The following TEP1 variants were observed in gnomAD, a reference collection of about 807,000 sequenced individuals.
The protein encoded by TEP1 is telomerase protein component 1.
TEP1 carries 241 observed loss-of-function variants against 306.3 expected under a neutral mutation model. That is an observed-to-expected ratio of 0.79 (90% CI 0.71 to 0.88). The LOEUF (loss-of-function observed/expected upper bound fraction) is 0.88, where lower values mean the gene tolerates loss of function less well. TEP1 is among the 40% of genes least tolerant of loss of function. The pLI, the probability that TEP1 is intolerant of heterozygous loss-of-function variation, is 0.00. For synonymous variants in TEP1, 1,289 were observed against 1,305.5 expected (o/e 0.99, Z 0.27); for missense variants, 3,051 against 3,276.1 (o/e 0.93, Z 1.68).
chr14:20,395,404 GTAGCCCCGATTGCCCACCCTTGGCTCC>G lies in TEP1; in HGVS notation c.1928+19_1928+45del. The stretch of plus-strand genomic sequence containing the variant: ...CAGATGACTTCCAACCTGTGCCAGG[GTAGCCCCGATTGCCCACCCTTGGCTCC>G]CAGACAGTGCATACATACCTGGCCT... On this transcript the variant is annotated intron_variant, in intron 12 of 54. Coordinates refer to ENST00000262715, the MANE Select transcript of TEP1 (RefSeq NM_007110.5). 1 of 1,520,106 alleles carries G rather than the reference GTAGCCCCGATTGCCCACCCTTGGCTCC, an allele frequency of 6.6e-7. No homozygotes were observed. The highest frequency in any genetic ancestry group is 8.9e-7 in the Non-Finnish European group (1 of 1,122,188). 94.2% of individuals were successfully genotyped at this position (1,520,106 alleles called of 1,614,324 possible).
intron 41 of TEP1, 62 bp downstream of exon 41, chr14:20,377,215 TAAA>T (rs371616341): frequency 2.2e-4 from 254 of 1,131,828 alleles, no homozygotes; most frequent in South Asian, 2.6e-4. Context: ...AGCTCTGTCT[TAAA>T]AAAAAAAAAA....
chr14:20,386,594 G>A lies in TEP1; in HGVS notation c.2714C>T (p.Ser905Phe), dbSNP rs371241934. ...CTCCCCATGCATGTCTCGGAAAGTG[G>A]ATGAAATGAAAAGCCGGATGCTGCG... ...GWRSIRLFISSTFRDMHGERD... is the reference protein window; with the variant it reads ...GWRSIRLFISFTFRDMHGERD... The change falls in exon 19 of 55, where the codon TCC (serine) becomes TTC (phenylalanine). Residue 905 changes from serine (S) to phenylalanine (F), a missense_variant. Physicochemically the swap from Ser to Phe is radical, Grantham distance 155. Around this residue, in one of 3 missense-constraint regions of TEP1, gnomAD observed 1,507 missense variants for 1,550.5 expected, o/e 0.97. Transcript: ENST00000262715. 2 of 1,606,822 alleles carry A rather than the reference G, an allele frequency of 1.2e-6. No homozygotes were observed. The highest frequency in any genetic ancestry group is 1.3e-5 in the African/African-American group (1 of 74,884).
At chr14:20,388,167 C>T in intron 17 of TEP1, 104 bp from the exon 18 acceptor site, 1 of 1,282,512 alleles carries the variant, frequency 7.8e-7, no homozygotes, top group Non-Finnish European at 1.1e-6. Flanking sequence ...GGTTTGGTGA[C>T]CAGTTAAGTC....
chr14:20,386,487 G>C lies in TEP1; in HGVS notation c.2821C>G (p.Leu941Val), dbSNP rs771998185. The C allele has an allele frequency of 1.2e-6, 2 of 1,611,902 alleles. No individual in the cohort carries two copies. The highest frequency in any genetic ancestry group is 3.3e-5 in the Admixed American group (2 of 59,936). Reference protein sequence around the residue: ...PHRISLHGIDLRWGVTEEETR... With the variant: ...PHRISLHGIDVRWGVTEEETR... ...TCCTCCTCAGTGACGCCCCAGCGGA[G>C]GTCGATTCCGTGAAGGCTGATACGG... The change falls in exon 19 of 55, where the codon CTC becomes GTC. Residue 941 changes from leucine to valine, a missense_variant. Physicochemically the swap from Leu to Val is conservative, Grantham distance 32 (BLOSUM62 1). Coordinates refer to ENST00000262715, the MANE Select transcript of TEP1 (RefSeq NM_007110.5).
In TEP1 at chr14:20,389,635, T is replaced by C. The variant is rs1215978138; in HGVS notation, c.2440A>G (p.Ile814Val). ...AGGTATTGTACCCTTCTTAGGAGGA[T>C]ACCAACAAAGAGGCACTTGGAATTC... ...RVNSKCLFVG[I>V]LLRRVQYLST... is the part of the protein sequence containing the mutation. The change falls in exon 16 of 55, where the codon ATC becomes GTC. Residue 814 changes from isoleucine (I) to valine (V), a missense_variant. This residue lies in a region of TEP1 where 1,507 missense variants were observed against 1,550.5 expected (regional missense o/e 0.97). Coordinates refer to ENST00000262715, the MANE Select transcript of TEP1 (RefSeq NM_007110.5). The C allele has an allele frequency of 1.9e-6, 3 of 1,614,222 alleles. No individual in the cohort carries two copies. The highest frequency in any genetic ancestry group is 1.7e-5 in the Admixed American group (1 of 60,024).
chr14:20,378,589 C>T, intron 37 of TEP1, 54 bp from the exon 38 acceptor site: 1 of 1,610,762 alleles, frequency 6.2e-7, no homozygotes, highest in Non-Finnish European at 8.5e-7. Flanking sequence ...CTGAACTTCT[C>T]AGTCCCAGAC....
At chr14:20,407,825 C>T in intron 2 of TEP1, 48 bp downstream of exon 2, 6 of 1,453,464 alleles carry the variant, frequency 4.1e-6, no homozygotes, top group Non-Finnish European at 5.6e-6. Context: ...GAGACAAGAG[C>T]ATACAACAGA....
chr14:20,377,523 A>C, intron 40 of TEP1, 31 bp from the exon 41 acceptor site: 1 of 1,612,378 alleles, frequency 6.2e-7, no homozygotes, highest in Non-Finnish European at 8.5e-7. Context: ...AGGGAGTAAG[A>C]CACTTGGGAA....
chr14:20,379,039 G>C lies in TEP1; in HGVS notation c.5194C>G (p.Leu1732Val). 6.2e-7 allele frequency: 1 copy of C among 1,614,244 alleles called. No individual in the cohort carries two copies. The highest frequency in any genetic ancestry group is 8.5e-7 in the Non-Finnish European group (1 of 1,180,048). Residue 1732 changes from leucine to valine, a missense_variant, in exon 36 of 55, where the codon CTC becomes GTC. Around this residue, in one of 3 missense-constraint regions of TEP1, gnomAD observed 1,540 missense variants for 1,705.9 expected, o/e 0.90. Transcript: ENST00000262715. The stretch of plus-strand genomic sequence containing the variant: ...AGCCCGTCGAAGGCAGTAAGAAAGA[G>C]TGTATCATCGGAGAGGAACAAACAA... ...SACLFLSDDT[L>V]FLTAFDGLLE...
chr14:20,393,195 C>T lies in TEP1; in HGVS notation c.1929-1428G>A, dbSNP rs138617409. ...TTGTGCCACTGCACTCCAGCCTGGG[C>T]GACAGAGCAAGACTCGGTCTCAAAA... On this transcript the variant is annotated intron_variant, in intron 12 of 54. Coordinates refer to ENST00000262715, the MANE Select transcript of TEP1 (RefSeq NM_007110.5). 6.8e-5 allele frequency among the ~76,000 whole-genome samples: 10 copies of T among 147,644 alleles called. 1 individual carries two copies. In the East Asian group the frequency reaches 7.9e-4, roughly 12 times the overall value.
chr14:20,408,737 C>G (rs771672252), intron 1 of TEP1, among the ~76,000 whole-genome samples: 1 of 151,682 alleles, frequency 6.6e-6, no homozygotes, highest in African/African-American at 2.4e-5. Flanking sequence ...GGAGCTGAGG[C>G]AAGAGGATTC....
chr14:20,373,160 G>A lies in TEP1; in HGVS notation c.6815-13C>T. ...ATACATGTGTCATCTGGAGGAGAAAGGACGTGTTTCATTAGGAGCTGGGAT... is the reference window on the plus strand; with the variant it reads ...ATACATGTGTCATCTGGAGGAGAAAAGACGTGTTTCATTAGGAGCTGGGAT... On this transcript the variant is annotated splice_polypyrimidine_tract_variant and intron_variant, in intron 47 of 54. Transcript: ENST00000262715. 1.2e-6 allele frequency: 2 copies of A among 1,614,158 alleles called. No homozygotes were observed. Among genetic ancestry groups the A allele is most frequent in the East Asian group, 2.2e-5 (1 of 44,878 alleles).
intron 1 of TEP1, among the ~76,000 whole-genome samples, chr14:20,409,386 AC>A (rs1368335525): frequency 6.6e-6 from 1 of 152,148 alleles, no homozygotes; most frequent in Non-Finnish European, 1.5e-5. Flanking sequence ...GAGTGGTCTC[AC>A]CCACTATGTG....
chr14:20,372,990 AC>A lies in TEP1; in HGVS notation c.6951+20del. ...AGGGTAGAATTCACACAGACAAAGA[AC>A]CAAGGGTACACCGACTCACCTGTGC... is the stretch of plus-strand genomic sequence containing the variant. On this transcript the variant is annotated intron_variant, in intron 48 of 54. Coordinates refer to ENST00000262715, the MANE Select transcript of TEP1 (RefSeq NM_007110.5). The A allele has an allele frequency of 6.2e-7, 1 of 1,614,116 alleles. No homozygotes were observed.
chr14:20,399,730 G>C (rs1878512090), intron 9 of TEP1, among the ~76,000 whole-genome samples: 1 of 149,262 alleles, frequency 6.7e-6, no homozygotes, highest in African/African-American at 2.5e-5. Context: ...AGAAACACTA[G>C]CCACCACGGG....
chr14:20,376,202 A>C lies in TEP1; in HGVS notation c.6151T>G (p.Phe2051Val), dbSNP rs1885167218. Residue 2051 changes from phenylalanine (F) to valine (V), a missense_variant, in exon 42 of 55, where the codon TTT (phenylalanine) becomes GTT (valine). By Grantham distance (50) the Phe-to-Val change is conservative. Coordinates refer to ENST00000262715, the MANE Select transcript of TEP1 (RefSeq NM_007110.5). ...LLTRPHKAED[F>V]PCGTELRGHE... The stretch of plus-strand genomic sequence containing the variant: ...CCCCGCAGCTCAGTGCCACAGGGAA[A>C]GTCTTCTGCCTTGTGTGGCCGCGTC... The C allele has an allele frequency of 6.2e-7, 1 of 1,614,072 alleles. No individual in the cohort carries two copies. Among genetic ancestry groups the C allele is most frequent in the African/African-American group, 1.3e-5 (1 of 74,926 alleles).
At chr14:20,403,574 A>G in intron 6 of TEP1, 126 bp from the exon 7 acceptor site, 1 of 1,587,546 alleles carries the variant, frequency 6.3e-7, no homozygotes, top group Non-Finnish European at 8.6e-7. Context: ...ACTGCCCTGC[A>G]CCATATGCCC....
chr14:20,411,395 C>T (rs546347468), intron 1 of TEP1, among the ~76,000 whole-genome samples: 11 of 152,324 alleles, frequency 7.2e-5, no homozygotes, highest in South Asian at 4.1e-4. Context: ...CCCTCCTTTA[C>T]AAGGCCAAAT....
Position 20,373,295 on chromosome 14 carries a change from C to G in TEP1, c.6789G>C (p.Arg2263=). ...MLTASEDGSV[R]LWQVPKEADD... ...CTGCTTCCTTAGGAACCTGCCAGAG[C>G]CGTACAGAACCATCCTCAGAGGCGG... The change falls in exon 47 of 55, where the codon CGG becomes CGC. Residue 2263 remains arginine, a synonymous_variant. Transcript: ENST00000262715. 6.2e-7 allele frequency: 1 copy of G among 1,614,200 alleles called. No individual in the cohort carries two copies. The highest frequency in any genetic ancestry group is 1.1e-5 in the South Asian group (1 of 91,076).
Sources: gnomAD v4.1 joint callset for allele counts (sites outside exome capture counted in the v4.1 genomes callset) on GRCh38, gnomAD v4.1.1 for gene constraint, gnomAD v4.1.1 regional missense constraint, MANE v1.5 for transcripts, NCBI Gene and HGNC (gene_info 2026-07-23, HGNC 2026-07-21) for gene names.